The following PRELID2 variants were observed in gnomAD, a reference collection of about 807,000 sequenced individuals.
PRELID2 encodes PRELI domain-containing protein 2.
Under a neutral mutation model 28.4 loss-of-function variants are expected in PRELID2, and 25 were observed. That is an observed-to-expected ratio of 0.88 (90% CI 0.64 to 1.23). The LOEUF (loss-of-function observed/expected upper bound fraction) is 1.23, where lower values mean the gene tolerates loss of function less well. Among genes scored for constraint, PRELID2 ranks in the 50% most tolerant of loss-of-function variants. PRELID2 has a pLI of 0.00. For synonymous variants in PRELID2, 76 were observed against 71.6 expected, an observed-to-expected ratio of 1.06 and a Z score of -0.31; for missense variants, 201 against 214.4, an observed-to-expected ratio of 0.94 and a Z score of 0.39.
the PRELID2 span, among the ~76,000 whole-genome samples, chr5:145,375,047 TG>T: frequency 1.3e-5 from 2 of 152,178 alleles, no homozygotes; most frequent in African/African-American, 4.8e-5. Flanking sequence ...TGTGATCATT[TG>T]GAGAAGAGGC....
intron 4 of PRELID2, among the ~76,000 whole-genome samples, chr5:145,814,139 A>G (rs1437256848): frequency 6.6e-6 from 1 of 152,220 alleles, no homozygotes; most frequent in Non-Finnish European, 1.5e-5. Flanking sequence ...TAATTTTTGA[A>G]AAACACTCAA....
downstream of PRELID2, among the ~76,000 whole-genome samples, chr5:145,754,819 G>A (rs549932814): frequency 8.5e-5 from 13 of 152,258 alleles, no homozygotes; most frequent in South Asian, 2.3e-3. Flanking sequence ...GGCCATCCAC[G>A]TCAATTTCTA....
intron 1 of PRELID2, among the ~76,000 whole-genome samples, chr5:145,689,727 A>C (rs938026313): frequency 5.9e-5 from 9 of 152,202 alleles, no homozygotes; most frequent in African/African-American, 1.9e-4. Context: ...AGTCAGAATA[A>C]GAGGGAGGAA....
intron 1 of PRELID2, among the ~76,000 whole-genome samples, chr5:145,523,848 A>C (rs1458174767): frequency 6.6e-6 from 1 of 152,088 alleles, no homozygotes; most frequent in East Asian, 1.9e-4. Flanking sequence ...AATTACTTTA[A>C]ACTTTTCTTT....
chr5:145,419,026 A>C, the PRELID2 span, among the ~76,000 whole-genome samples: 3 of 150,542 alleles, frequency 2.0e-5, no homozygotes, highest in Non-Finnish European at 4.4e-5. Flanking sequence ...GATGATTTCC[A>C]ATTTCATCCA....
the PRELID2 span, among the ~76,000 whole-genome samples, chr5:145,377,086 T>C: frequency 6.6e-6 from 1 of 152,338 alleles, no homozygotes; most frequent in East Asian, 1.9e-4. Flanking sequence ...TGGTCTGATG[T>C]ATATTTGTTG....
At chr5:145,428,499 G>C in the PRELID2 span, among the ~76,000 whole-genome samples, 2 of 152,022 alleles carry the variant, frequency 1.3e-5, no homozygotes, top group African/African-American at 2.4e-5. Context: ...ACAAACAACA[G>C]GTAAATATAG....
the PRELID2 span, chr5:145,338,389 A>C: frequency 6.6e-6 from 1 of 152,200 alleles, no homozygotes; most frequent in East Asian, 1.9e-4. Context: ...TTGTGAAATG[A>C]AACATTAAAA....
chr5:145,603,666 T>C (rs1201672411), intron 1 of PRELID2, among the ~76,000 whole-genome samples: 2 of 152,106 alleles, frequency 1.3e-5, no homozygotes, highest in Non-Finnish European at 2.9e-5. Context: ...TAAATAAGTA[T>C]TGACTTTTAA....
At chr5:145,760,796 C>T (rs532815152) in intron 6 of PRELID2, among the ~76,000 whole-genome samples, 37 of 152,262 alleles carry the variant, frequency 2.4e-4, no homozygotes, top group South Asian at 2.1e-4. Flanking sequence ...TGATAGAACT[C>T]TGCTATGTTG....
chr5:145,368,965 C>T, the PRELID2 span, among the ~76,000 whole-genome samples: 12 of 151,794 alleles, frequency 7.9e-5, no homozygotes, highest in Non-Finnish European at 1.3e-4. Flanking sequence ...TCCCTCTTCA[C>T]ACCCTCAACC....
At chr5:145,649,135 A>G (rs182201002) in intron 1 of PRELID2, among the ~76,000 whole-genome samples, 1 of 152,186 alleles carries the variant, frequency 6.6e-6, no homozygotes, top group Non-Finnish European at 1.5e-5. Context: ...TACAAATAAA[A>G]ACAATACAGT....
At chr5:145,800,063 G>A (rs1753027339) in intron 4 of PRELID2, among the ~76,000 whole-genome samples, 1 of 152,074 alleles carries the variant, frequency 6.6e-6, no homozygotes, top group Non-Finnish European at 1.5e-5. Context: ...TCTCCTGTAT[G>A]TATAGTTGGC....
intron 5 of PRELID2, among the ~76,000 whole-genome samples, chr5:145,787,040 G>T (rs1418863102): frequency 6.6e-6 from 1 of 152,148 alleles, no homozygotes; most frequent in Non-Finnish European, 1.5e-5. Context: ...ATCACAATAA[G>T]AATAATGATG....
intron 1 of PRELID2, among the ~76,000 whole-genome samples, chr5:145,518,457 C>A (rs1160168178): frequency 6.6e-6 from 1 of 152,116 alleles, no homozygotes; most frequent in Non-Finnish European, 1.5e-5. Context: ...CTCGGCCTCC[C>A]AAAGGGCTGG....
intron 1 of PRELID2, among the ~76,000 whole-genome samples, chr5:145,599,083 G>A (rs1410096290): frequency 4.6e-5 from 7 of 152,232 alleles, no homozygotes; most frequent in Middle Eastern, 6.8e-3. Context: ...GGGACCGAAA[G>A]AGCTGCGAAG....
chr5:145,347,996 A>G, the PRELID2 span, among the ~76,000 whole-genome samples: 1 of 152,126 alleles, frequency 6.6e-6, no homozygotes, highest in Non-Finnish European at 1.5e-5. Context: ...TTAGCAGAAA[A>G]AAAAGAACCT....
At chr5:145,256,660 C>T in the PRELID2 span, among the ~76,000 whole-genome samples, 1 of 151,976 alleles carries the variant, frequency 6.6e-6, no homozygotes, top group East Asian at 1.9e-4. Context: ...ACAGGAAAAA[C>T]ACAAAGAAAA....
intron 1 of PRELID2, among the ~76,000 whole-genome samples, chr5:145,831,517 T>A (rs543405756): frequency 1.3e-5 from 2 of 152,342 alleles, no homozygotes; most frequent in East Asian, 3.9e-4. Context: ...GATCCAGGTC[T>A]ACTGACTACC....
Sources: allele counts gnomAD v4.1 joint callset (sites outside exome capture counted in the v4.1 genomes callset), GRCh38; gene constraint gnomAD v4.1.1; transcripts MANE v1.5; gene names NCBI Gene and HGNC (gene_info 2026-07-23, HGNC 2026-07-21).